The following SPAG16 variants were observed in gnomAD, a reference collection of about 807,000 sequenced individuals.
The protein encoded by SPAG16 is sperm associated antigen 16, also known as sperm-associated antigen 16 protein.
Under a neutral mutation model 80.4 loss-of-function variants are expected in SPAG16, and 86 were observed. That is an observed-to-expected ratio of 1.07 (90% confidence interval 0.90 to 1.28). SPAG16 has a LOEUF of 1.28. SPAG16 is among the 50% of genes most tolerant of loss of function. The pLI, the probability that SPAG16 is intolerant of heterozygous loss-of-function variation, is 0.00. For missense variants in SPAG16, 870 were observed against 765.3 expected (o/e 1.14, Z -1.61); for synonymous variants, 294 against 265.9 (o/e 1.11, Z -1.03).
chr2:213,736,730 G>C (rs1287914966), intron 10 of SPAG16, among the ~76,000 whole-genome samples: 1 of 146,832 alleles, frequency 6.8e-6, no homozygotes, highest in Non-Finnish European at 1.5e-5. Context: ...TTGAGACAGA[G>C]TTTCACTTTT....
At chr2:214,087,481 C>A (rs2051849428) in intron 13 of SPAG16, among the ~76,000 whole-genome samples, 1 of 151,960 alleles carries the variant, frequency 6.6e-6, no homozygotes, top group Non-Finnish European at 1.5e-5. Flanking sequence ...TGTGCAAGTT[C>A]TTAAAGGTAT....
intron 10 of SPAG16, among the ~76,000 whole-genome samples, chr2:213,560,625 T>C (rs1033327387): frequency 6.6e-6 from 1 of 152,220 alleles, no homozygotes; most frequent in African/African-American, 2.4e-5. Flanking sequence ...TTAGTTTTTC[T>C]GGTGATATAA....
intron 15 of SPAG16, among the ~76,000 whole-genome samples, chr2:214,205,430 G>T (rs552919017): frequency 1.3e-5 from 2 of 152,156 alleles, no homozygotes; most frequent in South Asian, 2.1e-4. Flanking sequence ...AAAATCATAA[G>T]ATCCTGAAAA....
rs981183284 is a variant in SPAG16 at position 213,750,490 on chromosome 2, A to G, written c.1071-111995A>G. Among the ~76,000 whole-genome samples, 4 of 152,316 alleles carry G rather than the reference A, an allele frequency of 2.6e-5. No individual in the cohort carries two copies. The East Asian group carries it at 5.8e-4, about 22-fold the overall frequency. ...AAAATTAAAATAATATTTTATTACA[A>G]TATAGTTTTTACTGATGTTTTTACA... On this transcript the variant is annotated intron_variant, in intron 10 of 15. Transcript: ENST00000331683.
At chr2:213,931,363 G>A (rs1305432480) in intron 12 of SPAG16, among the ~76,000 whole-genome samples, 1 of 152,068 alleles carries the variant, frequency 6.6e-6, no homozygotes, top group Non-Finnish European at 1.5e-5. Flanking sequence ...ATTTCAGATA[G>A]CTTTTAATTC....
chr2:214,125,557 CAGA>C (rs781612393), intron 14 of SPAG16, among the ~76,000 whole-genome samples: 60 of 151,646 alleles, frequency 4.0e-4, no homozygotes, highest in African/African-American at 1.4e-3. Flanking sequence ...GGCTAGCAAA[CAGA>C]AGGACAGTCT....
chr2:214,272,446 GC>G (rs1474448238), intron 15 of SPAG16, among the ~76,000 whole-genome samples: 1 of 151,520 alleles, frequency 6.6e-6, no homozygotes, highest in African/African-American at 2.4e-5. Context: ...CCCTCCCCCT[GC>G]CCCCCAACCC....
intron 9 of SPAG16, among the ~76,000 whole-genome samples, chr2:213,384,460 C>T (rs1214761586): frequency 6.6e-6 from 1 of 152,134 alleles, no homozygotes; most frequent in African/African-American, 2.4e-5. Flanking sequence ...ATGCCTCAGC[C>T]TCAAATCTAA....
At chr2:214,291,997 A>G (rs1456109544) in intron 15 of SPAG16, among the ~76,000 whole-genome samples, 1 of 152,130 alleles carries the variant, frequency 6.6e-6, no homozygotes, top group African/African-American at 2.4e-5. Context: ...CCCTTTATTG[A>G]TGAAGAATAA....
chr2:213,932,147 C>CATATATATAT (rs61264162), intron 12 of SPAG16, among the ~76,000 whole-genome samples: 3 of 30,556 alleles, frequency 9.8e-5, no homozygotes, highest in Non-Finnish European at 1.5e-4. Flanking sequence ...CTTGATACTG[C>CATATATATAT]ATATATATAT....
chr2:214,400,267 C>A (rs1004449253), intron 15 of SPAG16, among the ~76,000 whole-genome samples: 2 of 151,832 alleles, frequency 1.3e-5, no homozygotes, highest in Non-Finnish European at 2.9e-5. Context: ...AATCAAAGAA[C>A]TGCCTTCCTA....
Position 213,976,135 on chromosome 2 carries a change from T to TATATATATATATACACACAC in SPAG16, c.1401-37815_1401-37814insTATATATATATACACACACA, listed in dbSNP as rs749957411. ...ATATATATATATATATATATATATA[T>TATATATATATATACACACAC]ACACACACACACACACACACGTATG... On this transcript the variant is annotated intron_variant, in intron 12 of 15. Transcript: ENST00000331683. 8.6e-5 allele frequency among the ~76,000 whole-genome samples: 7 copies of TATATATATATATACACACAC among 81,402 alleles called. No homozygotes were observed. The East Asian group carries it at 1.9e-3, about 22-fold the overall frequency. The allele number at this position is 81,402 out of a possible 152,430, so 53.4% of individuals were successfully genotyped here. A position where few individuals can be genotyped will look rare whatever the true frequency, so the allele number is the denominator to read the frequency against.
intron 10 of SPAG16, among the ~76,000 whole-genome samples, chr2:213,750,836 C>T (rs1460969017): frequency 1.3e-5 from 2 of 152,190 alleles, no homozygotes; most frequent in East Asian, 3.8e-4. Flanking sequence ...GAGTGTCTTA[C>T]CAGAATAATG....
At chr2:213,605,418 A>G (rs2061224101) in intron 10 of SPAG16, among the ~76,000 whole-genome samples, 1 of 152,064 alleles carries the variant, frequency 6.6e-6, no homozygotes, top group South Asian at 2.1e-4. Flanking sequence ...TGGGAGGCCA[A>G]AGTGGAAGGA....
chr2:214,198,319 A>G lies in SPAG16; in HGVS notation c.1720+49053A>G, dbSNP rs531516678. 1.2e-4 allele frequency among the ~76,000 whole-genome samples: 18 copies of G among 152,224 alleles called. No homozygotes were observed. In the South Asian group the frequency reaches 3.1e-3, roughly 26 times the overall value. ...TTAGGCCTTTGCATACTCATAGTTT[A>G]GCTTTCACTTACAAGTGAGATTATA... On this transcript the variant is annotated intron_variant, in intron 15 of 15. Transcript: ENST00000331683.
chr2:214,276,478 A>G lies in SPAG16; in HGVS notation c.1720+127212A>G, dbSNP rs191546091. On this transcript the variant is annotated intron_variant, in intron 15 of 15. Coordinates refer to ENST00000331683, the MANE Select transcript of SPAG16 (RefSeq NM_024532.5). The stretch of plus-strand genomic sequence containing the variant: ...TAGTGCTTCCTTCAGGAGCTCTTTT[A>G]AGGCAGGCCTGGTGGTGACAAAATC... Among the ~76,000 whole-genome samples, 5 of 152,348 alleles carry G rather than the reference A, an allele frequency of 3.3e-5. No homozygotes were observed. The East Asian group carries it at 9.6e-4, about 29-fold the overall frequency.
chr2:214,075,915 G>T (rs776873489), intron 13 of SPAG16, among the ~76,000 whole-genome samples: 4 of 152,096 alleles, frequency 2.6e-5, no homozygotes, highest in Non-Finnish European at 5.9e-5. Flanking sequence ...CTTAAGTAAA[G>T]ATTTCTGCCT....
intron 15 of SPAG16, among the ~76,000 whole-genome samples, chr2:214,306,913 G>A (rs113735254): frequency 4.6e-5 from 7 of 152,268 alleles, no homozygotes; most frequent in African/African-American, 1.7e-4. Flanking sequence ...ATGAATTAGG[G>A]GGGAGTCCCT....
At chr2:214,123,476 C>G (rs1174161849) in intron 14 of SPAG16, among the ~76,000 whole-genome samples, 1 of 151,960 alleles carries the variant, frequency 6.6e-6, no homozygotes, top group Non-Finnish European at 1.5e-5. Flanking sequence ...GAAAACAGTT[C>G]AGTAGTGAAA....
Sources: gnomAD v4.1 joint callset for allele counts (sites outside exome capture counted in the v4.1 genomes callset) on GRCh38, gnomAD v4.1.1 for gene constraint, MANE v1.5 for transcripts, NCBI Gene and HGNC (gene_info 2026-07-23, HGNC 2026-07-21) for gene names.